Variants in KCNG3 observed in about 807,000 individuals in gnomAD.
KCNG3 encodes the protein potassium voltage-gated channel modifier subfamily G member 3, also known as voltage-gated potassium channel regulatory subunit KCNG3.
In KCNG3, 15 loss-of-function variants were observed where a neutral mutation model predicts 29.0. The observed-to-expected ratio is 0.52, with a 90% CI of 0.35 to 0.80. KCNG3 has a LOEUF of 0.80. Among genes scored for constraint, KCNG3 ranks in the 30% least tolerant of loss-of-function variants. The pLI, the probability that KCNG3 is intolerant of heterozygous loss-of-function variation, is 0.01. For missense variants in KCNG3, 512 were observed against 605.7 expected (o/e 0.85, Z 1.62); for synonymous variants, 322 against 248.9 (o/e 1.29, Z -2.76).
At chr2:42,475,724 T>C (rs1054459414) in intron 1 of KCNG3, among the ~76,000 whole-genome samples, 6 of 151,348 alleles carry the variant, frequency 4.0e-5, no homozygotes, top group Non-Finnish European at 8.8e-5. Flanking sequence ...CAAGTATTAA[T>C]AGGATGCAAT....
At chr2:42,472,234 CCTA>C (rs1173530590) in intron 1 of KCNG3, among the ~76,000 whole-genome samples, 1 of 152,124 alleles carries the variant, frequency 6.6e-6, no homozygotes, top group Non-Finnish European at 1.5e-5. Context: ...TAAATCAATT[CCTA>C]CTACATTACA....
intron 1 of KCNG3, among the ~76,000 whole-genome samples, chr2:42,459,274 C>G (rs1320990328): frequency 6.6e-6 from 1 of 152,094 alleles, no homozygotes; most frequent in African/African-American, 2.4e-5. Context: ...ATACCCAGCC[C>G]CATTCACCAT....
chr2:42,391,957 G>A, the KCNG3 span, among the ~76,000 whole-genome samples: 3 of 151,996 alleles, frequency 2.0e-5, no homozygotes, highest in Non-Finnish European at 4.4e-5. Flanking sequence ...ATGTTTTTAC[G>A]GTGCCAGGCA....
chr2:42,444,440 C>T lies in KCNG3; in HGVS notation c.805G>A (p.Val269Met). ...TCGCCTGTAAACACTGTCATCAACACAGAGATGTAATACGGCGTGATTGCC... is the reference window on the plus strand; with the variant it reads ...TCGCCTGTAAACACTGTCATCAACATAGAGATGTAATACGGCGTGATTGCC... Reference protein sequence around the residue: ...LLAITPYYISVLMTVFTGENS... With the variant: ...LLAITPYYISMLMTVFTGENS... Residue 269 changes from valine to methionine, a missense_variant, in exon 2 of 2, where the codon GTG (valine) becomes ATG (methionine). By Grantham distance (21) the Val-to-Met change is conservative. Transcript: ENST00000306078. This position sits in a 1 kb window ranked among gnomAD's most constrained non-coding sequence, Gnocchi z 5.8. The T allele has an allele frequency of 6.2e-7, 1 of 1,614,142 alleles. No individual in the cohort carries two copies. Among genetic ancestry groups the T allele is most frequent in the Non-Finnish European group, 8.5e-7 (1 of 1,180,026 alleles).
At chr2:42,459,889 T>C (rs1485391763) in intron 1 of KCNG3, among the ~76,000 whole-genome samples, 1 of 150,930 alleles carries the variant, frequency 6.6e-6, no homozygotes, top group Non-Finnish European at 1.5e-5. Flanking sequence ...GGCAGGAGAA[T>C]GGTGTGAACC....
At chr2:42,453,430 T>C (rs1003893892) in intron 1 of KCNG3, among the ~76,000 whole-genome samples, 1 of 152,248 alleles carries the variant, frequency 6.6e-6, no homozygotes, top group Admixed American at 6.5e-5. Context: ...GTAGTTTTGA[T>C]TTGCACTTCT....
the KCNG3 span, among the ~76,000 whole-genome samples, chr2:42,434,458 C>CAAAAAAAAA: frequency 3.2e-5 from 1 of 31,236 alleles, no homozygotes; most frequent in Admixed American, 7.4e-4. Flanking sequence ...GACACTGTCT[C>CAAAAAAAAA]AAAAAAAAAA....
chr2:42,444,604 T>C lies in KCNG3; in HGVS notation c.666-25A>G, dbSNP rs533019870. Reference sequence around the variant, plus strand: ...CCTGTCAAGAGAACAAAAGAAGAATTGATCATTTTATTTTTAAGCATTTTA... The same window carrying C: ...CCTGTCAAGAGAACAAAAGAAGAATCGATCATTTTATTTTTAAGCATTTTA... On this transcript the variant is annotated intron_variant, in intron 1 of 1. Coordinates refer to ENST00000306078, the MANE Select transcript of KCNG3 (RefSeq NM_133329.6). The surrounding 1 kb of genome is among the most constrained non-coding windows in gnomAD (Gnocchi z 5.8). The C allele has an allele frequency of 2.5e-6, 4 of 1,572,534 alleles. No homozygotes were observed. In the Admixed American group the frequency reaches 7.5e-5, roughly 29 times the overall value.
chr2:42,450,749 C>T (rs559329151), intron 1 of KCNG3, among the ~76,000 whole-genome samples: 1 of 152,278 alleles, frequency 6.6e-6, no homozygotes, highest in Admixed American at 6.5e-5. Context: ...AGTATCTCCG[C>T]TTTACAGATG....
intron 1 of KCNG3, among the ~76,000 whole-genome samples, chr2:42,454,554 G>C (rs536652955): frequency 2.2e-4 from 32 of 147,042 alleles, no homozygotes; most frequent in Non-Finnish European, 4.2e-4. Flanking sequence ...TCTACTAAAA[G>C]TACGAAAATT....
the KCNG3 span, among the ~76,000 whole-genome samples, chr2:42,433,498 G>A: frequency 3.3e-5 from 5 of 152,294 alleles, no homozygotes; most frequent in South Asian, 8.3e-4. Flanking sequence ...CAGCATTTTG[G>A]GAGGCTGAGG....
downstream of KCNG3, among the ~76,000 whole-genome samples, chr2:42,439,652 A>AAT (rs1553325565): frequency 1.1e-4 from 16 of 148,162 alleles, 1 homozygote; most frequent in Admixed American, 9.4e-4. Context: ...ATAAAAAAAA[A>AAT]TTTTTTTTTT....
At position 42,492,858 on chromosome 2, in the gene KCNG3, C is replaced by A; in HGVS notation, c.644G>T (p.Gly215Val). The change falls in exon 1 of 2, where the codon GGC becomes GTC. Residue 215 changes from glycine (G) to valine (V), a missense_variant. Physicochemically the swap from Gly to Val is moderately radical, Grantham distance 109. Transcript: ENST00000306078. ...SLDDRSRYSA[G>V]PGREPSGIIE... is the part of the protein sequence containing the mutation. The stretch of plus-strand genomic sequence containing the variant: ...CTACCCGGAGGGCTCCCTCCCAGGG[C>A]CGGCGGAGTACCTGCTCCGGTCATC... The A allele has an allele frequency of 1.3e-6, 2 of 1,509,424 alleles. No individual in the cohort carries two copies. Among genetic ancestry groups the A allele is most frequent in the Non-Finnish European group, 1.8e-6 (2 of 1,133,426 alleles). The allele number at this position is 1,509,424 out of a possible 1,614,324, so 93.5% of individuals were successfully genotyped here.
Position 42,443,968 on chromosome 2 carries a change from T to C in KCNG3, c.1277A>G (p.Tyr426Cys). 1 of 1,613,936 alleles carries C rather than the reference T, an allele frequency of 6.2e-7. No individual in the cohort carries two copies. Among genetic ancestry groups the C allele is most frequent in the Middle Eastern group, 1.7e-4 (1 of 6,056 alleles). The part of the protein sequence containing the change: ...YHELKFRSAR[Y>C]SRSLSTEFLN ...GAATTCAGTGGAGAGGCTCCTACTATACCTAGCAGATCTAAACTTGAGCTC... is the reference window on the plus strand; with the variant it reads ...GAATTCAGTGGAGAGGCTCCTACTACACCTAGCAGATCTAAACTTGAGCTC... The change falls in exon 2 of 2, where the codon TAT becomes TGT. Residue 426 changes from tyrosine to cysteine, a missense_variant. Tyr to Cys is a radical substitution (Grantham distance 194, BLOSUM62 -2). This residue lies in a region of KCNG3 where 173 missense variants were observed against 262.4 expected (regional missense o/e 0.66). Transcript: ENST00000306078.
the KCNG3 span, among the ~76,000 whole-genome samples, chr2:42,434,135 A>G: frequency 0.011 from 1,694 of 152,222 alleles, 25 homozygotes; most frequent in Non-Finnish European, 0.014. Context: ...AAATGGACAC[A>G]CCAAACCTAA....
At chr2:42,400,856 A>T in the KCNG3 span, among the ~76,000 whole-genome samples, 1 of 152,090 alleles carries the variant, frequency 6.6e-6, no homozygotes, top group Admixed American at 6.5e-5. Flanking sequence ...AGTTGGAAAC[A>T]AAAAAAGAAG....
chr2:42,429,781 G>A, the KCNG3 span, among the ~76,000 whole-genome samples: 1 of 152,170 alleles, frequency 6.6e-6, no homozygotes, highest in Non-Finnish European at 1.5e-5. Context: ...ATCTGAAGCT[G>A]GAAAGTATGA....
intron 1 of KCNG3, among the ~76,000 whole-genome samples, chr2:42,482,171 C>A (rs1673603516): frequency 6.6e-6 from 1 of 152,192 alleles, no homozygotes; most frequent in Non-Finnish European, 1.5e-5. Flanking sequence ...ACTGCTATAT[C>A]CCCAACACCT....
chr2:42,483,877 T>A (rs1332524234), intron 1 of KCNG3, among the ~76,000 whole-genome samples: 1 of 152,180 alleles, frequency 6.6e-6, no homozygotes, highest in Non-Finnish European at 1.5e-5. Context: ...TTGCAGCCTC[T>A]AACTTCTAGG....
Sources: allele counts gnomAD v4.1 joint callset (sites outside exome capture counted in the v4.1 genomes callset), GRCh38; gene constraint gnomAD v4.1.1; regional missense constraint gnomAD v4.1.1; non-coding constraint Gnocchi (gnomAD v3.1); transcripts MANE v1.5; gene names NCBI Gene and HGNC (gene_info 2026-07-23, HGNC 2026-07-21).